Variants in PGBD2 observed in about 807,000 individuals in gnomAD.
PGBD2 encodes piggyBac transposable element-derived protein 2.
A neutral mutation model predicts 8.1 loss-of-function variants in PGBD2; 6 were observed. The ratio of observed to expected loss-of-function variants is 0.74; its 90% CI spans 0.40 to 1.46. The LOEUF (loss-of-function observed/expected upper bound fraction) is 1.46. Ranked by LOEUF, PGBD2 falls within the 40% of genes most tolerant of loss-of-function variation. The pLI is 0.02. For missense variants in PGBD2, 802 were observed against 739.0 expected (o/e 1.09, Z -0.99); for synonymous variants, 318 against 272.2 (o/e 1.17, Z -1.66).
chr1:248,929,701 A>G, the PGBD2 span, among the ~76,000 whole-genome samples: 1 of 152,220 alleles, frequency 6.6e-6, no homozygotes, highest in Non-Finnish European at 1.5e-5. Context: ...GGAGGGAATT[A>G]TAAGGACCAC....
the PGBD2 span, among the ~76,000 whole-genome samples, chr1:248,885,266 C>G: frequency 6.6e-6 from 1 of 151,746 alleles, no homozygotes; most frequent in African/African-American, 2.4e-5. Context: ...TCTTGAGTAG[C>G]TAGGACTACA....
intron 1 of PGBD2, among the ~76,000 whole-genome samples, chr1:248,912,057 CA>C (rs1661912173): frequency 1.3e-5 from 2 of 152,072 alleles, no homozygotes; most frequent in Admixed American, 6.5e-5. Flanking sequence ...GGTGGCTTGC[CA>C]GCAGTCATCA....
chr1:248,874,305 T>G, the PGBD2 span, among the ~76,000 whole-genome samples: 5 of 152,218 alleles, frequency 3.3e-5, no homozygotes, highest in Non-Finnish European at 7.3e-5. Context: ...CCGGGTTCGA[T>G]TCCCGGTCAG....
chr1:248,874,174 A>G, the PGBD2 span, among the ~76,000 whole-genome samples: 1 of 152,152 alleles, frequency 6.6e-6, no homozygotes, highest in Non-Finnish European at 1.5e-5. Context: ...ACCGCATCCA[A>G]TCATGTTTCT....
downstream of PGBD2, among the ~76,000 whole-genome samples, chr1:248,920,306 A>AC (rs1451570277): frequency 2.2e-5 from 3 of 137,124 alleles, no homozygotes; most frequent in Non-Finnish European, 4.7e-5. Context: ...CTAGCCCCCC[A>AC]CCCCCTGACA....
the PGBD2 span, among the ~76,000 whole-genome samples, chr1:248,885,308 ATT>A: frequency 1.4e-5 from 2 of 142,720 alleles, no homozygotes; most frequent in Admixed American, 7.0e-5. Context: ...CTACTTTTTA[ATT>A]TTTTTTTTTT....
chr1:248,921,274 G>A (rs1422343755), downstream of PGBD2, among the ~76,000 whole-genome samples: 1 of 152,160 alleles, frequency 6.6e-6, no homozygotes, highest in Non-Finnish European at 1.5e-5. Flanking sequence ...ATGGTTCTAG[G>A]TCTTACGTTT....
chr1:248,889,761 C>G, the PGBD2 span, among the ~76,000 whole-genome samples: 4 of 152,138 alleles, frequency 2.6e-5, no homozygotes, highest in East Asian at 5.8e-4. Flanking sequence ...TTCAGGTGCT[C>G]TAAGACAGGG....
At chr1:248,893,642 G>A in the PGBD2 span, among the ~76,000 whole-genome samples, 13 of 152,116 alleles carry the variant, frequency 8.5e-5, no homozygotes, top group Admixed American at 4.6e-4. Flanking sequence ...TCTCTCAATG[G>A]ACATTTATTT....
At chr1:248,903,197 T>G (rs1181130472), upstream of PGBD2, among the ~76,000 whole-genome samples, 1 of 152,140 alleles carries the variant, frequency 6.6e-6, no homozygotes, top group Non-Finnish European at 1.5e-5. Flanking sequence ...AAATTTATTT[T>G]TATTTTTTGT....
At chr1:248,924,230 G>A (rs74820864), downstream of PGBD2, among the ~76,000 whole-genome samples, 979 of 152,342 alleles carry the variant, frequency 6.4e-3, 6 homozygotes, top group African/African-American at 0.022. Context: ...AGTTGATGGA[G>A]TTCTTTCTTA....
At chr1:248,891,213 C>G in the PGBD2 span, among the ~76,000 whole-genome samples, 3 of 152,184 alleles carry the variant, frequency 2.0e-5, no homozygotes, top group Non-Finnish European at 4.4e-5. Flanking sequence ...ACACTGCCCA[C>G]TACATTAATG....
At chr1:248,905,033 G>A (rs1278550031), upstream of PGBD2, among the ~76,000 whole-genome samples, 1 of 152,136 alleles carries the variant, frequency 6.6e-6, no homozygotes, top group African/African-American at 2.4e-5. Flanking sequence ...AGGATCTGGG[G>A]AACAAAGCAA....
the PGBD2 span, among the ~76,000 whole-genome samples, chr1:248,877,303 CTA>C: frequency 6.6e-6 from 1 of 152,046 alleles, no homozygotes; most frequent in Admixed American, 6.6e-5. Context: ...ACATATCTGT[CTA>C]TGTTTTCTAG....
the PGBD2 span, among the ~76,000 whole-genome samples, chr1:248,896,983 T>TC: frequency 3.3e-5 from 5 of 152,170 alleles, no homozygotes; most frequent in African/African-American, 7.2e-5. Context: ...AAGATTTTCC[T>TC]CCCCATTTAA....
chr1:248,917,841 C>A lies in PGBD2; in HGVS notation c.1257C>A (p.Val419=). The A allele has an allele frequency of 1.2e-6, 2 of 1,614,144 alleles. No homozygotes were observed. The highest frequency in any genetic ancestry group is 1.1e-5 in the South Asian group (1 of 91,066). ...GCCGCTGGCACGATAGCAGCGTGGTCAACATTTGCTCCAATGCTGTGGGCA... is the reference window on the plus strand; with the variant it reads ...GCCGCTGGCACGATAGCAGCGTGGTAAACATTTGCTCCAATGCTGTGGGCA... ...IVCRWHDSSV[V]NICSNAVGIE... The change falls in exon 3 of 3, where the codon GTC becomes GTA. Residue 419 remains valine (V), a synonymous_variant. Coordinates refer to ENST00000329291, the MANE Select transcript of PGBD2 (RefSeq NM_170725.3).
chr1:248,898,195 C>T, the PGBD2 span, among the ~76,000 whole-genome samples: 1 of 152,216 alleles, frequency 6.6e-6, no homozygotes, highest in Non-Finnish European at 1.5e-5. Flanking sequence ...GACAGGGGTT[C>T]TCCCCAACAG....
chr1:248,875,093 C>T, the PGBD2 span, among the ~76,000 whole-genome samples: 8 of 151,986 alleles, frequency 5.3e-5, no homozygotes, highest in East Asian at 7.8e-4. Context: ...GTCAGGAGAT[C>T]GAGACCATCC....
At position 248,917,862 on chromosome 1, in the gene PGBD2, G is replaced by C; in HGVS notation, c.1278G>C (p.Val426=). ...TGGTCAACATTTGCTCCAATGCTGT[G>C]GGCATAGAGCCAGTGAGGCTGACCA... ...SSVVNICSNA[V]GIEPVRLTSR... is the part of the protein sequence containing the mutation. The change falls in exon 3 of 3, where the codon GTG becomes GTC. Residue 426 remains valine, a synonymous_variant. Coordinates refer to ENST00000329291, the MANE Select transcript of PGBD2 (RefSeq NM_170725.3). The C allele has an allele frequency of 6.2e-7, 1 of 1,614,186 alleles. No homozygotes were observed. The highest frequency in any genetic ancestry group is 8.5e-7 in the Non-Finnish European group (1 of 1,180,042).
Sources: allele counts gnomAD v4.1 joint callset (sites outside exome capture counted in the v4.1 genomes callset), GRCh38; gene constraint gnomAD v4.1.1; transcripts MANE v1.5; gene names NCBI Gene and HGNC (gene_info 2026-07-23, HGNC 2026-07-21).